Variants in ASB16 observed in about 807,000 individuals in gnomAD.
The protein encoded by ASB16 is ankyrin repeat and SOCS box protein 16.
In ASB16, 44 loss-of-function variants were observed where a neutral mutation model predicts 39.1. The ratio of observed to expected loss-of-function variants is 1.13; its 90% CI spans 0.88 to 1.45. The LOEUF (loss-of-function observed/expected upper bound fraction) is 1.45, where lower values mean the gene tolerates loss of function less well. ASB16 is among the 40% of genes most tolerant of loss of function. The pLI is 0.00. For synonymous variants in ASB16, 305 were observed against 286.7 expected, an observed-to-expected ratio of 1.06 and a Z score of -0.64; for missense variants, 698 against 634.5, an observed-to-expected ratio of 1.10 and a Z score of -1.07.
At chr17:44,176,581 A>G (rs1469653996) in intron 2 of ASB16, 157 bp from the exon 3 acceptor site, 2 of 1,111,940 alleles carry the variant, frequency 1.8e-6, no homozygotes, top group East Asian at 2.4e-5. Context: ...GGACCTTCCA[A>G]TTCTGTTGTC....
chr17:44,177,001 G>C lies in ASB16; in HGVS notation c.833G>C (p.Arg278Pro). The C allele has an allele frequency of 1.3e-6, 2 of 1,488,516 alleles. No individual in the cohort carries two copies. The highest frequency in any genetic ancestry group is 2.3e-4 in the Middle Eastern group (1 of 4,434). 92.2% of individuals were successfully genotyped at this position (1,488,516 alleles called of 1,614,324 possible). ...CTCCTGGAGGCTGGAGCTGATGCCC[G>C]GGCGGCCGGGCGCAAGCGCCACACG... ...RRLLEAGADA[R>P]AAGRKRHTPL... Residue 278 changes from arginine to proline, a missense_variant, in exon 3 of 5, where the codon CGG becomes CCG. Coordinates refer to ENST00000293414, the MANE Select transcript of ASB16 (RefSeq NM_080863.5).
In ASB16 at chr17:44,170,787, T is replaced by C. The variant is rs2054235653; in HGVS notation, c.-3T>C. The C allele has an allele frequency of 1.9e-6, 3 of 1,586,154 alleles. No homozygotes were observed. Among genetic ancestry groups the C allele is most frequent in the Non-Finnish European group, 2.6e-6 (3 of 1,165,694 alleles). ...CCACTGCCCAAACCCCTGGGCCCCA[T>C]CCATGGCAAGAGAGACCTTCCCCTT... On this transcript the variant is annotated 5_prime_UTR_variant, in exon 1 of 5. Coordinates refer to ENST00000293414, the MANE Select transcript of ASB16 (RefSeq NM_080863.5).
Position 44,176,723 on chromosome 17 carries a change from C to A in ASB16, c.570-15C>A. On this transcript the variant is annotated splice_polypyrimidine_tract_variant and intron_variant, in intron 2 of 4. Transcript: ENST00000293414. ...CTTCAGGATTTTCCTCAGGACCTTG[C>A]TCTCTTGTCCCCAGGTGCGCCAAGT... 1 of 1,614,004 alleles carries A rather than the reference C, an allele frequency of 6.2e-7. No homozygotes were observed. The highest frequency in any genetic ancestry group is 1.1e-5 in the South Asian group (1 of 91,072).
chr17:44,171,416 T>C (rs1230030309), intron 1 of ASB16, among the ~76,000 whole-genome samples: 1 of 151,764 alleles, frequency 6.6e-6, no homozygotes, highest in Non-Finnish European at 1.5e-5. Context: ...ATAGAAAAAT[T>C]AGCCGGGCAT....
In ASB16 at chr17:44,178,205, G is replaced by A. The variant is rs777588920; in HGVS notation, c.1177G>A (p.Glu393Lys). ...VEAVLPELWK[E>K]HEAFYSSALC... Reference sequence around the variant, plus strand: ...TGACCTTCTTTCACTCCTGGCCTAGGAGCACGAAGCCTTCTACAGCTCGGC... The same window carrying A: ...TGACCTTCTTTCACTCCTGGCCTAGAAGCACGAAGCCTTCTACAGCTCGGC... Residue 393 changes from glutamate to lysine, a missense_variant and splice_region_variant, in exon 5 of 5, where the codon GAG becomes AAG. Coordinates refer to ENST00000293414, the MANE Select transcript of ASB16 (RefSeq NM_080863.5). The A allele has an allele frequency of 3.7e-6, 6 of 1,612,696 alleles. No homozygotes were observed. Among genetic ancestry groups the A allele is most frequent in the Non-Finnish European group, 5.1e-6 (6 of 1,179,982 alleles).
chr17:44,174,514 T>C (rs962877136), intron 2 of ASB16, among the ~76,000 whole-genome samples: 2 of 152,088 alleles, frequency 1.3e-5, no homozygotes, highest in African/African-American at 4.8e-5. Context: ...TTTTTTAAGG[T>C]TGGCAGTTTC....
intron 4 of ASB16, 55 bp downstream of exon 4, chr17:44,177,777 C>G: frequency 6.3e-7 from 1 of 1,594,936 alleles, no homozygotes; most frequent in Non-Finnish European, 8.5e-7. Context: ...AGGCCTATTC[C>G]TTCAGGACCA....
At chr17:44,176,357 C>CA (rs367925638) in intron 2 of ASB16, 400 of 191,542 alleles carry the variant, frequency 2.1e-3, no homozygotes, top group African/African-American at 3.8e-3. Flanking sequence ...ACCCTGTCTC[C>CA]AAAAAAAAAA....
intron 3 of ASB16, 123 bp downstream of exon 3, chr17:44,177,353 G>C: frequency 7.4e-7 from 1 of 1,344,372 alleles, no homozygotes; most frequent in Non-Finnish European, 9.9e-7. Context: ...TGGCCAGGGG[G>C]CTGTCCCCAG....
chr17:44,177,686 G>A lies in ASB16; in HGVS notation c.1140G>A (p.Glu380=), dbSNP rs2054319130. Residue 380 remains glutamate (E), a synonymous_variant, in exon 4 of 5, where the codon GAG becomes GAA. Transcript: ENST00000293414. ...CCTATCCTTGTGTCCCATCCTGTGA[G>A]ACCTGGGTGGAGGCGGTGCTCCCAG... ...LNAYPCVPSC[E]TWVEAVLPEL... The A allele has an allele frequency of 1.9e-6, 3 of 1,613,930 alleles. No individual in the cohort carries two copies. The highest frequency in any genetic ancestry group is 2.5e-6 in the Non-Finnish European group (3 of 1,179,866).
In ASB16 at chr17:44,171,855, G is replaced by C. The variant is rs111872023; in HGVS notation, c.302-191G>C. Among the ~76,000 whole-genome samples the C allele has an allele frequency of 3.9e-5, 6 of 152,136 alleles. No individual in the cohort carries two copies. In the East Asian group the frequency reaches 5.8e-4, roughly 15 times the overall value. On this transcript the variant is annotated intron_variant, in intron 1 of 4. Transcript: ENST00000293414. ...ACAGATTGATAAGCTGTATTAAAAG[G>C]CTGTTCCAATTTATTCTTCCACTTC...
chr17:44,170,917 C>T lies in ASB16; in HGVS notation c.128C>T (p.Ser43Leu). Reference protein sequence around the residue: ...AQQCRSRRCPSSPRARLTRPH... With the variant: ...AQQCRSRRCPLSPRARLTRPH... ...CAGTGCCGGAGCCGCAGGTGCCCGT[C>T]AAGTCCCCGGGCCCGACTCACTAGG... Residue 43 changes from serine to leucine, a missense_variant, in exon 1 of 5, where the codon TCA becomes TTA. Ser to Leu is a moderately radical substitution (Grantham distance 145). Transcript: ENST00000293414. The T allele has an allele frequency of 6.2e-7, 1 of 1,612,854 alleles. No homozygotes were observed. The highest frequency in any genetic ancestry group is 8.5e-7 in the Non-Finnish European group (1 of 1,179,832).
At position 44,178,238 on chromosome 17, in the gene ASB16, A is replaced by C; in HGVS notation, c.1210A>C (p.Met404Leu). The C allele has an allele frequency of 6.2e-7, 1 of 1,613,528 alleles. No individual in the cohort carries two copies. Among genetic ancestry groups the C allele is most frequent in the Non-Finnish European group, 8.5e-7 (1 of 1,179,994 alleles). Residue 404 changes from methionine (M) to leucine (L), a missense_variant, in exon 5 of 5, where the codon ATG becomes CTG. Coordinates refer to ENST00000293414, the MANE Select transcript of ASB16 (RefSeq NM_080863.5). The stretch of plus-strand genomic sequence containing the variant: ...AGCCTTCTACAGCTCGGCCCTGTGC[A>C]TGGTGAACCAGCCAAGGCAGCTGCA... ...HEAFYSSALCMVNQPRQLQHL... is the reference protein window; with the variant it reads ...HEAFYSSALCLVNQPRQLQHL...
rs1439389840 is a variant in ASB16, at chr17:44,178,513, C to T, written c.*123C>T. Reference sequence around the variant, plus strand: ...TTTGAGACCTAGTCTCACTCTGTTGCCCAGGCTGGAGTGCAGTGGCGCTAT... The same window carrying T: ...TTTGAGACCTAGTCTCACTCTGTTGTCCAGGCTGGAGTGCAGTGGCGCTAT... On this transcript the variant is annotated 3_prime_UTR_variant, in exon 5 of 5. Transcript: ENST00000293414. 1 of 1,110,562 alleles carries T rather than the reference C, an allele frequency of 9.0e-7. No individual in the cohort carries two copies. The highest frequency in any genetic ancestry group is 1.3e-6 in the Non-Finnish European group (1 of 796,026). The allele number at this position is 1,110,562 out of a possible 1,614,324, so 68.8% of individuals were successfully genotyped here.
intron 2 of ASB16, among the ~76,000 whole-genome samples, chr17:44,174,651 A>G (rs1368303385): frequency 6.6e-6 from 1 of 152,092 alleles, no homozygotes; most frequent in Non-Finnish European, 1.5e-5. Context: ...TCCCCACTAG[A>G]TCTAGATGAA....
At position 44,177,130 on chromosome 17, in the gene ASB16, T is replaced by C. The variant is rs1319238090; in HGVS notation, c.962T>C (p.Met321Thr). Residue 321 changes from methionine to threonine, a missense_variant, in exon 3 of 5, where the codon ATG becomes ACG. Physicochemically the swap from Met to Thr is moderately conservative, Grantham distance 81 (BLOSUM62 -1). Transcript: ENST00000293414. ...EVPNGAGHTP[M>T]DCALQAVQDS... ...CCCAATGGGGCGGGCCACACGCCCA[T>C]GGACTGTGCGCTGCAGGCCGTCCAG... 3.3e-6 allele frequency: 5 copies of C among 1,512,238 alleles called. No homozygotes were observed. The African/African-American group carries it at 4.2e-5, about 13-fold the overall frequency. The allele number at this position is 1,512,238 out of a possible 1,614,324, so 93.7% of individuals were successfully genotyped here. A position where few individuals can be genotyped will look rare whatever the true frequency, so the allele number is the denominator to read the frequency against.
At position 44,172,167 on chromosome 17, in the gene ASB16, C is replaced by T. The variant is rs373603799; in HGVS notation, c.423C>T (p.Val141=). The change falls in exon 2 of 5, where the codon GTC becomes GTT. Residue 141 remains valine, a synonymous_variant. Transcript: ENST00000293414. ...IRQGAELDAR[V]GGRAALHEAC... ...AGGGAGCTGAGCTGGATGCCCGTGT[C>T]GGGGGTCGCGCTGCCTTGCATGAGG... The T allele has an allele frequency of 3.0e-5, 48 of 1,612,184 alleles. No individual in the cohort carries two copies. The highest frequency in any genetic ancestry group is 1.3e-4 in the African/African-American group (10 of 74,918).
chr17:44,170,822 C>T lies in ASB16; in HGVS notation c.33C>T (p.Ser11=), dbSNP rs754251112. Residue 11 remains serine (S), a synonymous_variant, in exon 1 of 5, where the codon TCC becomes TCT. Coordinates refer to ENST00000293414, the MANE Select transcript of ASB16 (RefSeq NM_080863.5). MARETFPFTS[S]MLRSLRLQQE... ...GAGAGACCTTCCCCTTCACCTCCTCCATGCTGCGCTCTCTCCGCCTGCAGC... is the reference window on the plus strand; with the variant it reads ...GAGAGACCTTCCCCTTCACCTCCTCTATGCTGCGCTCTCTCCGCCTGCAGC... 6.2e-7 allele frequency: 1 copy of T among 1,609,692 alleles called. No homozygotes were observed. Among genetic ancestry groups the T allele is most frequent in the Non-Finnish European group, 8.5e-7 (1 of 1,178,376 alleles).
At position 44,178,585 on chromosome 17, in the gene ASB16, GC is replaced by G. The variant is rs2144196538; in HGVS notation, c.*199del. ...CCACCTAGGTTCAAGCGATTCTTGT[GC>G]CCCAAACTTCCGAGTAGCTGGGACT... On this transcript the variant is annotated 3_prime_UTR_variant, in exon 5 of 5. Transcript: ENST00000293414. 1 of 622,072 alleles carries G rather than the reference GC, an allele frequency of 1.6e-6. No individual in the cohort carries two copies. Among genetic ancestry groups the G allele is most frequent in the African/African-American group, 1.8e-5 (1 of 54,104 alleles). 38.5% of individuals were successfully genotyped at this position (622,072 alleles called of 1,614,324 possible).
Sources: allele counts gnomAD v4.1 joint callset (sites outside exome capture counted in the v4.1 genomes callset), GRCh38; gene constraint gnomAD v4.1.1; transcripts MANE v1.5; gene names NCBI Gene and HGNC (gene_info 2026-07-23, HGNC 2026-07-21).